The following UBE3B variants were observed in gnomAD, a reference collection of about 807,000 sequenced individuals.
UBE3B encodes the protein ubiquitin protein ligase E3B, also known as ubiquitin-protein ligase E3B.
A neutral mutation model predicts 132.3 loss-of-function variants in UBE3B; 80 were observed. That is an observed-to-expected ratio of 0.60 (90% CI 0.50 to 0.73). The LOEUF (loss-of-function observed/expected upper bound fraction) is 0.73. UBE3B is among the 30% of genes least tolerant of loss of function. The pLI is 0.00. For synonymous variants in UBE3B, 487 were observed against 520.4 expected, an observed-to-expected ratio of 0.94 and a Z score of 0.87; for missense variants, 1,196 against 1,362.5, an observed-to-expected ratio of 0.88 and a Z score of 1.92.
chr12:109,546,248 C>T, the UBE3B span, among the ~76,000 whole-genome samples: 1 of 152,142 alleles, frequency 6.6e-6, no homozygotes, highest in African/African-American at 2.4e-5. Context: ...CACAGGGGCC[C>T]CTGGTGAATA....
chr12:109,512,885 A>G (rs971472267), intron 18 of UBE3B, among the ~76,000 whole-genome samples: 16 of 152,226 alleles, frequency 1.1e-4, no homozygotes, highest in African/African-American at 3.1e-4. Context: ...CTTGCTTCCA[A>G]TAGAAAATGC....
intron 9 of UBE3B, among the ~76,000 whole-genome samples, chr12:109,495,668 T>C (rs1205009900): frequency 6.6e-6 from 1 of 152,250 alleles, no homozygotes; most frequent in Non-Finnish European, 1.5e-5. Flanking sequence ...ATTGTTTCTA[T>C]AGATTATAGA....
chr12:109,516,620 A>C, intron 18 of UBE3B, 145 bp from the exon 19 acceptor site: 3 of 1,283,322 alleles, frequency 2.3e-6, no homozygotes, highest in Non-Finnish European at 3.2e-6. Flanking sequence ...TTCTCACAGG[A>C]CACTTCTAAC....
At chr12:109,528,286 C>T (rs1193344558) in intron 24 of UBE3B, 1 of 964,874 alleles carries the variant, frequency 1.0e-6, no homozygotes, top group Non-Finnish European at 1.2e-6. Flanking sequence ...CTCTCCTTCC[C>T]TCCCTCTCAC....
chr12:109,526,115 C>G (rs1012881507), intron 23 of UBE3B, among the ~76,000 whole-genome samples: 1 of 152,138 alleles, frequency 6.6e-6, no homozygotes, highest in Non-Finnish European at 1.5e-5. Flanking sequence ...CATGACATCC[C>G]GAAGTCTTAA....
Position 109,528,233 on chromosome 12 carries a change from G to C in UBE3B, c.2628-1657G>C, listed in dbSNP as rs998164913. 9 of 667,248 alleles carry C rather than the reference G, an allele frequency of 1.3e-5. No homozygotes were observed. In the African/African-American group the frequency reaches 1.8e-4, roughly 13 times the overall value. 41.3% of individuals were successfully genotyped at this position (667,248 alleles called of 1,614,324 possible). A position where few individuals can be genotyped will look rare whatever the true frequency, so the allele number is the denominator to read the frequency against. On this transcript the variant is annotated intron_variant, in intron 24 of 27. Transcript: ENST00000342494. ...GGTGATACTTGATCTTGCACTTTAT[G>C]AGTGTTGGATGTTTCCCATACTCTC...
chr12:109,540,558 TTCTAAA>T (rs913547662), downstream of UBE3B, among the ~76,000 whole-genome samples: 37 of 152,284 alleles, frequency 2.4e-4, no homozygotes, highest in African/African-American at 8.4e-4. Flanking sequence ...CTCCAAATGC[TTCTAAA>T]TCTGGTTTTT....
intron 24 of UBE3B, among the ~76,000 whole-genome samples, chr12:109,526,801 G>A (rs1201755474): frequency 6.6e-6 from 1 of 151,910 alleles, no homozygotes; most frequent in African/African-American, 2.4e-5. Context: ...AACCTGGGAG[G>A]TGGAGGTTGC....
intron 15 of UBE3B, chr12:109,508,415 A>G: frequency 1.6e-6 from 1 of 613,084 alleles, no homozygotes; most frequent in Non-Finnish European, 2.0e-6. Context: ...TACTTAGTGC[A>G]GTGCCTGGCA....
intron 12 of UBE3B, among the ~76,000 whole-genome samples, chr12:109,500,014 C>T (rs1878761412): frequency 6.6e-6 from 1 of 152,198 alleles, no homozygotes; most frequent in African/African-American, 2.4e-5. Flanking sequence ...CTTGAGTGAA[C>T]ATCCTGTCAG....
Position 109,536,271 on chromosome 12 carries a change from G to A in UBE3B, c.*1489G>A, listed in dbSNP as rs1027558326. The A allele has an allele frequency of 5.3e-5, 8 of 152,244 alleles. No individual in the cohort carries two copies. Among genetic ancestry groups the A allele is most frequent in the African/African-American group, 1.9e-4 (8 of 41,448 alleles). The allele number at this position is 152,244 out of a possible 1,614,324, so 9.4% of individuals were successfully genotyped here. ...TGTGTTCGTAACCTCTGATTCTGTG[G>A]ACTTGCCACTTTCTCCAAACGCTCG... On this transcript the variant is annotated 3_prime_UTR_variant, in exon 28 of 28. Transcript: ENST00000342494.
At chr12:109,510,562 C>G in intron 17 of UBE3B, 104 bp downstream of exon 17, 1 of 887,050 alleles carries the variant, frequency 1.1e-6, no homozygotes, top group Non-Finnish European at 1.8e-6. Flanking sequence ...CTTTTTCCCT[C>G]TGCTTCATTT....
chr12:109,489,425 G>T (rs938819724), intron 7 of UBE3B, among the ~76,000 whole-genome samples: 18 of 152,178 alleles, frequency 1.2e-4, no homozygotes, highest in Non-Finnish European at 2.2e-4. Flanking sequence ...TTCACAGAGT[G>T]AAGAGCGGGG....
At position 109,533,505 on chromosome 12, in the gene UBE3B, G is replaced by T. The variant is rs753221661; in HGVS notation, c.2962G>T (p.Ala988Ser). 3 of 1,614,026 alleles carry T rather than the reference G, an allele frequency of 1.9e-6. No individual in the cohort carries two copies. The highest frequency in any genetic ancestry group is 2.5e-6 in the Non-Finnish European group (3 of 1,180,012). ...SCSRPPLLGF[A>S]YLKPPFSIRC... ...CTCCAGACCCCCGCTCCTGGGATTC[G>T]CCTACCTCAAGCCTCCATTCTCCAT... The change falls in exon 27 of 28, where the codon GCC (alanine) becomes TCC (serine). Residue 988 changes from alanine to serine, a missense_variant. Coordinates refer to ENST00000342494, the MANE Select transcript of UBE3B (RefSeq NM_130466.4).
chr12:109,496,802 C>T (rs1878263586), intron 9 of UBE3B, among the ~76,000 whole-genome samples: 1 of 152,198 alleles, frequency 6.6e-6, no homozygotes, highest in South Asian at 2.1e-4. Flanking sequence ...GACAAGTGAT[C>T]TCCAGGTGTT....
intron 15 of UBE3B, among the ~76,000 whole-genome samples, chr12:109,508,019 T>A (rs1479857274): frequency 6.6e-6 from 1 of 152,204 alleles, no homozygotes; most frequent in African/African-American, 2.4e-5. Flanking sequence ...AGATCATGGC[T>A]CAGCCATTTA....
intron 18 of UBE3B, 126 bp downstream of exon 18, chr12:109,511,429 G>A (rs1343177004): frequency 1.8e-5 from 15 of 837,526 alleles, no homozygotes; most frequent in Admixed American, 1.4e-4. Context: ...ACAAGGAAAC[G>A]GTGGTTGCTA....
chr12:109,486,599 A>AAAAAC, intron 6 of UBE3B, 24 bp downstream of exon 6: 1 of 1,499,058 alleles, frequency 6.7e-7, no homozygotes, highest in South Asian at 1.2e-5. Context: ...AAAAAAAAAA[A>AAAAAC]AAAAGCAAAA....
intron 18 of UBE3B, among the ~76,000 whole-genome samples, chr12:109,515,506 A>AT (rs1162275366): frequency 6.6e-6 from 1 of 152,022 alleles, no homozygotes; most frequent in African/African-American, 2.4e-5. Flanking sequence ...AGTAGCTGGG[A>AT]TTACAGGCAT....
Sources: allele counts gnomAD v4.1 joint callset (sites outside exome capture counted in the v4.1 genomes callset), GRCh38; gene constraint gnomAD v4.1.1; transcripts MANE v1.5; gene names NCBI Gene and HGNC (gene_info 2026-07-23, HGNC 2026-07-21).